The following FAM171A1 variants were observed in gnomAD, a reference collection of about 807,000 sequenced individuals.
FAM171A1 encodes the protein protein FAM171A1.
A neutral mutation model predicts 74.9 loss-of-function variants in FAM171A1; 23 were observed. The ratio of observed to expected loss-of-function variants is 0.31; its 90% CI spans 0.22 to 0.44. The LOEUF (loss-of-function observed/expected upper bound fraction) is 0.44, where lower values mean the gene tolerates loss of function less well. Among genes scored for constraint, FAM171A1 ranks in the 20% least tolerant of loss-of-function variants. The pLI is 1.00. For synonymous variants in FAM171A1, 527 were observed against 505.7 expected (o/e 1.04, Z -0.57); for missense variants, 1,162 against 1,159.2 (o/e 1.00, Z -0.03).
chr10:15,298,873 A>C (rs1290404418), intron 1 of FAM171A1, among the ~76,000 whole-genome samples: 1 of 152,144 alleles, frequency 6.6e-6, no homozygotes, highest in African/African-American at 2.4e-5. Flanking sequence ...TTTCTAAAGA[A>C]ATCCCCACAA....
intron 5 of FAM171A1, chr10:15,237,544 A>G (rs10906872): frequency 0.32 from 47,922 of 151,770 alleles, 7,744 homozygotes; most frequent in East Asian, 0.44. Context: ...GCCTTCCTGC[A>G]CTCCATTGGA....
chr10:15,245,510 A>G (rs756531611), intron 5 of FAM171A1, among the ~76,000 whole-genome samples: 2 of 152,220 alleles, frequency 1.3e-5, no homozygotes, highest in Non-Finnish European at 2.9e-5. Flanking sequence ...AAATATACAT[A>G]TATCTCCTAT....
chr10:15,289,088 C>T (rs891940075), intron 1 of FAM171A1, among the ~76,000 whole-genome samples: 2 of 152,104 alleles, frequency 1.3e-5, no homozygotes, highest in Admixed American at 1.3e-4. Context: ...TCCCAAAGCA[C>T]TGGGATTACA....
intron 3 of FAM171A1, among the ~76,000 whole-genome samples, chr10:15,269,139 G>T (rs1834788570): frequency 6.6e-6 from 1 of 151,862 alleles, no homozygotes; most frequent in Admixed American, 6.6e-5. Context: ...TTTGAGACAG[G>T]GACTTACTCT....
In FAM171A1 at chr10:15,284,124, C is replaced by G; in HGVS notation, c.98-19G>C. On this transcript the variant is annotated intron_variant, in intron 1 of 7. Transcript: ENST00000378116. ...GTCACCTCTGGAGGTAGAGAAAGCA[C>G]AAAGAACAGCTACTGTCAATGGGAA... 6.2e-6 allele frequency: 10 copies of G among 1,607,120 alleles called. No individual in the cohort carries two copies. Among genetic ancestry groups the G allele is most frequent in the Non-Finnish European group, 8.5e-6 (10 of 1,176,188 alleles).
At chr10:15,334,426 C>T (rs1037503360) in intron 1 of FAM171A1, among the ~76,000 whole-genome samples, 2 of 152,144 alleles carry the variant, frequency 1.3e-5, no homozygotes, top group African/African-American at 4.8e-5. Flanking sequence ...GGTGGTTAAC[C>T]GCTAAAGTTA....
At chr10:15,262,827 G>A (rs896146438) in intron 3 of FAM171A1, among the ~76,000 whole-genome samples, 3 of 152,226 alleles carry the variant, frequency 2.0e-5, no homozygotes, top group African/African-American at 7.2e-5. Context: ...CAATGAGAAT[G>A]TGAAGGGGTT....
At chr10:15,232,523 C>G (rs10906865) in intron 5 of FAM171A1, among the ~76,000 whole-genome samples, 64,303 of 152,024 alleles carry the variant, frequency 0.42, 15,220 homozygotes, top group Admixed American at 0.58. Flanking sequence ...GCTGACCGAA[C>G]GAACTGTTTG....
chr10:15,267,463 T>C (rs950971449), intron 3 of FAM171A1, among the ~76,000 whole-genome samples: 1 of 151,444 alleles, frequency 6.6e-6, no homozygotes, highest in Non-Finnish European at 1.5e-5. Flanking sequence ...ATTAGCTGGG[T>C]GCAGTGGCAC....
chr10:15,245,363 G>A (rs751835390), intron 5 of FAM171A1, among the ~76,000 whole-genome samples: 4 of 152,134 alleles, frequency 2.6e-5, no homozygotes, highest in Admixed American at 6.6e-5. Flanking sequence ...CATGGTGCCC[G>A]GCCCAATCTG....
chr10:15,331,735 ATG>A (rs539025452), intron 1 of FAM171A1, among the ~76,000 whole-genome samples: 7 of 148,724 alleles, frequency 4.7e-5, no homozygotes, highest in East Asian at 2.0e-4. Context: ...TTTTATATAT[ATG>A]TGTGTGTGTG....
At chr10:15,359,429 G>T (rs1005755229) in intron 1 of FAM171A1, among the ~76,000 whole-genome samples, 3 of 152,134 alleles carry the variant, frequency 2.0e-5, no homozygotes, top group Non-Finnish European at 2.9e-5. Flanking sequence ...GAACCTGAGA[G>T]GACACCCTCA....
intron 1 of FAM171A1, among the ~76,000 whole-genome samples, chr10:15,357,278 G>A (rs999125653): frequency 7.2e-5 from 11 of 152,064 alleles, no homozygotes; most frequent in East Asian, 1.9e-4. Flanking sequence ...GCGAGACTCC[G>A]TCTCAAAATA....
chr10:15,242,529 A>G (rs1487782409), intron 5 of FAM171A1, among the ~76,000 whole-genome samples: 2 of 152,250 alleles, frequency 1.3e-5, no homozygotes, highest in African/African-American at 2.4e-5. Flanking sequence ...GCTCACGCCT[A>G]TAATCCCAGC....
chr10:15,309,148 G>C (rs368894277), intron 1 of FAM171A1, among the ~76,000 whole-genome samples: 27 of 152,250 alleles, frequency 1.8e-4, no homozygotes, highest in East Asian at 1.5e-3. Flanking sequence ...ATTAATGGAT[G>C]TACATAACAT....
At chr10:15,281,688 C>G (rs1048646324) in intron 2 of FAM171A1, among the ~76,000 whole-genome samples, 1 of 152,130 alleles carries the variant, frequency 6.6e-6, no homozygotes, top group South Asian at 2.1e-4. Flanking sequence ...ATGGCAAAAC[C>G]CCATCTCCAT....
intron 1 of FAM171A1, among the ~76,000 whole-genome samples, chr10:15,324,204 C>T (rs1166876358): frequency 1.3e-5 from 2 of 152,168 alleles, no homozygotes; most frequent in Non-Finnish European, 2.9e-5. Context: ...AACACCAAGA[C>T]ATCTACTTGC....
rs1176695507 is a variant in FAM171A1, at chr10:15,348,063, C to A, written c.97+22893G>T. On this transcript the variant is annotated intron_variant, in intron 1 of 7. Transcript: ENST00000378116. ...CACCAACTCGGTTCACTGCAATCAC[C>A]ACTTTCTGGGTTCAAGCGAGTCTCC... 2.6e-5 allele frequency among the ~76,000 whole-genome samples: 4 copies of A among 151,994 alleles called. No individual in the cohort carries two copies. The South Asian group carries it at 8.3e-4, about 32-fold the overall frequency.
At chr10:15,301,640 A>G (rs1835230782) in intron 1 of FAM171A1, among the ~76,000 whole-genome samples, 1 of 152,200 alleles carries the variant, frequency 6.6e-6, no homozygotes, top group Non-Finnish European at 1.5e-5. Flanking sequence ...CCTATAAAGT[A>G]AGCTGTTGCA....
Sources: gnomAD v4.1 joint callset for allele counts (sites outside exome capture counted in the v4.1 genomes callset) on GRCh38, gnomAD v4.1.1 for gene constraint, MANE v1.5 for transcripts, NCBI Gene and HGNC (gene_info 2026-07-23, HGNC 2026-07-21) for gene names.